Variants in ATF7 observed in about 807,000 individuals in gnomAD.
The protein encoded by ATF7 is cyclic AMP-dependent transcription factor ATF-7.
Under a neutral mutation model 50.4 loss-of-function variants are expected in ATF7, and 10 were observed. The ratio of observed to expected loss-of-function variants is 0.20; its 90% CI spans 0.12 to 0.34. ATF7 has a LOEUF of 0.34. Among genes scored for constraint, ATF7 ranks in the 10% least tolerant of loss-of-function variants. ATF7 has a pLI of 1.00. For missense variants in ATF7, 465 were observed against 613.9 expected (o/e 0.76, Z 2.56); for synonymous variants, 201 against 226.4 (o/e 0.89, Z 1.01).
chr12:53,576,890 T>C (rs1436105085), intron 2 of ATF7, among the ~76,000 whole-genome samples: 1 of 152,012 alleles, frequency 6.6e-6, no homozygotes, highest in Non-Finnish European at 1.5e-5. Context: ...CCCCCGTCTC[T>C]ACTAAAAATA....
chr12:53,552,065 A>G (rs147362794), intron 3 of ATF7, among the ~76,000 whole-genome samples: 1 of 152,316 alleles, frequency 6.6e-6, no homozygotes, highest in Non-Finnish European at 1.5e-5. Flanking sequence ...TGTGCCCTCA[A>G]TGGTGTCTGG....
rs376228199 is a variant in ATF7 at position 53,621,670 on chromosome 12, T to G, written c.-22+4609A>C. On this transcript the variant is annotated intron_variant, in intron 1 of 11. Transcript: ENST00000420353. ...TGGGTGTGGTGGTGCAGGCCTGTAATCCCAACTACTCTGGTGGCTGAGGCA... is the reference window on the plus strand; with the variant it reads ...TGGGTGTGGTGGTGCAGGCCTGTAAGCCCAACTACTCTGGTGGCTGAGGCA... Among the ~76,000 whole-genome samples, 5 of 149,682 alleles carry G rather than the reference T, an allele frequency of 3.3e-5. No homozygotes were observed. In the East Asian group the frequency reaches 6.0e-4, roughly 18 times the overall value.
At chr12:53,531,422 C>CAAAAAAAAAAAAAAA (rs541415026) in intron 9 of ATF7, among the ~76,000 whole-genome samples, 1 of 61,802 alleles carries the variant, frequency 1.6e-5, no homozygotes. Flanking sequence ...AACTCCATCT[C>CAAAAAAAAAAAAAAA]AAAAAAAAAA....
chr12:53,575,559 G>C (rs943784948), intron 2 of ATF7: 2 of 148,318 alleles, frequency 1.3e-5, no homozygotes, highest in Admixed American at 1.4e-4. Context: ...CTGGGCAACA[G>C]CGAGATGCAG....
rs1319214389 is a variant in ATF7, at chr12:53,512,340, T to G, written c.*4797A>C. On this transcript the variant is annotated 3_prime_UTR_variant, in exon 12 of 12. Coordinates refer to ENST00000420353, the MANE Select transcript of ATF7 (RefSeq NM_006856.3). ...CAAAATAGCCTGCAGCACTGCATCC[T>G]CCTACCTGTCAAAGGCCACCACTGG... 1 of 152,232 alleles carries G rather than the reference T, an allele frequency of 6.6e-6. No individual in the cohort carries two copies. Among genetic ancestry groups the G allele is most frequent in the African/African-American group, 2.4e-5 (1 of 41,448 alleles). The allele number at this position is 152,232 out of a possible 1,614,324, so 9.4% of individuals were successfully genotyped here. A position where few individuals can be genotyped will look rare whatever the true frequency, so the allele number is the denominator to read the frequency against.
At chr12:53,598,679 A>G (rs767251406) in intron 2 of ATF7, among the ~76,000 whole-genome samples, 5 of 152,206 alleles carry the variant, frequency 3.3e-5, no homozygotes, top group Non-Finnish European at 7.4e-5. Context: ...ATTTCAGTGG[A>G]TACTACTCTT....
chr12:53,549,333 A>C (rs571731638), intron 3 of ATF7, among the ~76,000 whole-genome samples: 1 of 152,120 alleles, frequency 6.6e-6, no homozygotes, highest in Admixed American at 6.5e-5. Flanking sequence ...CAAAAAAAAA[A>C]CAAATTCAAA....
downstream of ATF7, among the ~76,000 whole-genome samples, chr12:53,511,901 C>T (rs1944138161): frequency 6.6e-6 from 1 of 152,280 alleles, no homozygotes; most frequent in East Asian, 1.9e-4. Context: ...TAGGCTGTAT[C>T]TCCCATGTAT....
At chr12:53,592,285 GA>G (rs1375257533) in intron 2 of ATF7, among the ~76,000 whole-genome samples, 2 of 152,158 alleles carry the variant, frequency 1.3e-5, no homozygotes, top group Non-Finnish European at 2.9e-5. Flanking sequence ...AAGAAATTTC[GA>G]AGTAAAAACA....
At chr12:53,585,621 G>A (rs940642723) in intron 2 of ATF7, among the ~76,000 whole-genome samples, 6 of 152,180 alleles carry the variant, frequency 3.9e-5, no homozygotes, top group Non-Finnish European at 7.3e-5. Flanking sequence ...TTCTCATACA[G>A]TGCTCAGAAA....
At chr12:53,574,951 GCC>G in intron 2 of ATF7, 2 of 205,630 alleles carry the variant, frequency 9.7e-6, no homozygotes, top group South Asian at 7.0e-5. Context: ...TTGAGCTTAA[GCC>G]AAAAAAAAAA....
At chr12:53,562,502 G>T (rs1941190331) in intron 2 of ATF7, among the ~76,000 whole-genome samples, 1 of 152,070 alleles carries the variant, frequency 6.6e-6, no homozygotes, top group Non-Finnish European at 1.5e-5. Context: ...AATTAGCTGG[G>T]TGTGGTGGTA....
intron 2 of ATF7, among the ~76,000 whole-genome samples, chr12:53,594,357 T>G (rs1027438135): frequency 6.6e-6 from 1 of 152,238 alleles, no homozygotes; most frequent in African/African-American, 2.4e-5. Context: ...AATGTCACCT[T>G]AATTTCCTGC....
At chr12:53,618,377 T>C (rs564611710) in intron 1 of ATF7, among the ~76,000 whole-genome samples, 9 of 152,328 alleles carry the variant, frequency 5.9e-5, no homozygotes, top group Middle Eastern at 3.4e-3. Context: ...AGAAAATGCA[T>C]TGTTTCCCTG....
chr12:53,588,204 T>C (rs1162183776), intron 2 of ATF7, among the ~76,000 whole-genome samples: 1 of 152,202 alleles, frequency 6.6e-6, no homozygotes, highest in African/African-American at 2.4e-5. Flanking sequence ...TCCATGAATC[T>C]ACATAGCCAT....
intron 1 of ATF7, among the ~76,000 whole-genome samples, chr12:53,623,903 A>C (rs1220159029): frequency 1.3e-5 from 2 of 152,232 alleles, no homozygotes; most frequent in African/African-American, 4.8e-5. Context: ...AGAGCTATTA[A>C]CATTTTAAAA....
intron 2 of ATF7, among the ~76,000 whole-genome samples, chr12:53,560,840 C>A (rs1008668079): frequency 2.6e-5 from 4 of 152,142 alleles, no homozygotes; most frequent in African/African-American, 9.7e-5. Flanking sequence ...ATGCTGAAAC[C>A]TAACTACCCC....
chr12:53,559,441 G>A (rs1245664118), intron 2 of ATF7, among the ~76,000 whole-genome samples: 9 of 151,952 alleles, frequency 5.9e-5, no homozygotes, highest in African/African-American at 1.9e-4. Context: ...CACTTTGGGA[G>A]GCAGAGGTGG....
intron 3 of ATF7, among the ~76,000 whole-genome samples, chr12:53,549,671 C>T (rs1477752380): frequency 6.6e-6 from 1 of 152,098 alleles, no homozygotes; most frequent in Non-Finnish European, 1.5e-5. Flanking sequence ...CCTCTGCCTC[C>T]CAGGTTCAAG....
Sources: allele counts gnomAD v4.1 joint callset (sites outside exome capture counted in the v4.1 genomes callset), GRCh38; gene constraint gnomAD v4.1.1; transcripts MANE v1.5; gene names NCBI Gene and HGNC (gene_info 2026-07-23, HGNC 2026-07-21).